GRID1: variants seen among roughly 807,000 people sequenced by gnomAD.
The protein encoded by GRID1 is glutamate receptor ionotropic, delta-1.
Under a neutral mutation model 98.0 loss-of-function variants are expected in GRID1, and 28 were observed. That is an observed-to-expected ratio of 0.29 (90% CI 0.21 to 0.39). GRID1 has a LOEUF of 0.39. GRID1 is among the 10% of genes least tolerant of loss of function. GRID1 has a pLI of 1.00. For missense variants in GRID1, 1,111 were observed against 1,340.5 expected (o/e 0.83, Z 2.67); for synonymous variants, 553 against 538.5 (o/e 1.03, Z -0.37).
At chr10:85,978,476 A>G (rs1194126625) in intron 4 of GRID1, among the ~76,000 whole-genome samples, 1 of 152,242 alleles carries the variant, frequency 6.6e-6, no homozygotes, top group African/African-American at 2.4e-5. Flanking sequence ...GCATTAATGG[A>G]CTTGACCTTC....
At chr10:86,311,738 G>A (rs530312416) in intron 2 of GRID1, among the ~76,000 whole-genome samples, 7 of 152,356 alleles carry the variant, frequency 4.6e-5, no homozygotes, top group South Asian at 2.1e-4. Context: ...GCTCACGCCT[G>A]TAATTCCAGC....
chr10:86,221,250 A>G (rs1054192037), intron 2 of GRID1, among the ~76,000 whole-genome samples: 1 of 152,238 alleles, frequency 6.6e-6, no homozygotes, highest in Admixed American at 6.5e-5. Context: ...TTGAAAAATA[A>G]TACAACAAAA....
chr10:85,693,385 GAT>G (rs1261837558), intron 12 of GRID1, among the ~76,000 whole-genome samples: 1 of 151,992 alleles, frequency 6.6e-6, no homozygotes. Context: ...CATAAAGATG[GAT>G]ATATGTCATT....
At chr10:85,959,542 C>T (rs1842238481) in intron 4 of GRID1, among the ~76,000 whole-genome samples, 1 of 151,982 alleles carries the variant, frequency 6.6e-6, no homozygotes, top group African/African-American at 2.4e-5. Context: ...CACCCGCCCC[C>T]ACCCGAGGCA....
intron 13 of GRID1, among the ~76,000 whole-genome samples, chr10:85,634,998 G>GAAAAAAAAAAAAAAAAAA (rs140144576): frequency 1.7e-4 from 6 of 35,012 alleles, no homozygotes; most frequent in African/African-American, 2.7e-4. Flanking sequence ...GAGGAAATCT[G>GAAAAAAAAAAAAAAAAAA]AAAAAAAAAA....
At chr10:85,820,031 C>A (rs138340168) in intron 8 of GRID1, among the ~76,000 whole-genome samples, 4,508 of 66,426 alleles carry the variant, frequency 0.068, 110 homozygotes, top group East Asian at 0.083. Context: ...GGAAGGAAGG[C>A]AGGCAGGCAG....
At chr10:85,976,761 C>T (rs1294371869) in intron 4 of GRID1, among the ~76,000 whole-genome samples, 1 of 152,216 alleles carries the variant, frequency 6.6e-6, no homozygotes, top group Non-Finnish European at 1.5e-5. Flanking sequence ...TTACCTGTTT[C>T]CCTCTGTGTA....
intron 12 of GRID1, among the ~76,000 whole-genome samples, chr10:85,690,829 C>T (rs1841323493): frequency 6.6e-6 from 1 of 152,062 alleles, no homozygotes; most frequent in African/African-American, 2.4e-5. Context: ...ATCTCTGATA[C>T]TCTAATAAGC....
intron 2 of GRID1, among the ~76,000 whole-genome samples, chr10:86,348,147 G>T (rs1055130087): frequency 6.6e-6 from 1 of 152,226 alleles, no homozygotes; most frequent in African/African-American, 2.4e-5. Context: ...GCAGGTCCTC[G>T]TGTGTACTTG....
At chr10:85,980,526 G>A (rs1842532028) in intron 4 of GRID1, among the ~76,000 whole-genome samples, 1 of 152,198 alleles carries the variant, frequency 6.6e-6, no homozygotes. Flanking sequence ...TCCCCAAGCT[G>A]GGGCTGGGAC....
chr10:85,699,382 A>G (rs907407500), intron 12 of GRID1, among the ~76,000 whole-genome samples: 1 of 152,102 alleles, frequency 6.6e-6, no homozygotes. Context: ...AGTTCTTTGT[A>G]TATGTTGGAT....
intron 5 of GRID1, among the ~76,000 whole-genome samples, chr10:85,876,809 G>A (rs896979196): frequency 6.6e-6 from 1 of 152,350 alleles, no homozygotes; most frequent in African/African-American, 2.4e-5. Context: ...GCGAGGCATT[G>A]CCTCACTCGG....
At chr10:85,967,265 G>A (rs772262492) in intron 4 of GRID1, among the ~76,000 whole-genome samples, 8 of 151,886 alleles carry the variant, frequency 5.3e-5, no homozygotes, top group Non-Finnish European at 1.0e-4. Flanking sequence ...CACACTACAG[G>A]TAATAAAGAC....
intron 4 of GRID1, among the ~76,000 whole-genome samples, chr10:86,064,558 C>G (rs554377748): frequency 6.6e-6 from 1 of 152,332 alleles, no homozygotes; most frequent in African/African-American, 2.4e-5. Context: ...TTCCTCCATC[C>G]CAGAACACAG....
At chr10:85,833,618 C>T (rs1374282830) in intron 8 of GRID1, among the ~76,000 whole-genome samples, 2 of 151,534 alleles carry the variant, frequency 1.3e-5, no homozygotes, top group Non-Finnish European at 2.9e-5. Context: ...AAAACCACAA[C>T]TTGAATAAGA....
intron 4 of GRID1, among the ~76,000 whole-genome samples, chr10:86,028,143 C>T (rs1325393192): frequency 1.3e-5 from 2 of 152,228 alleles, no homozygotes; most frequent in Admixed American, 1.3e-4. Context: ...AAAGCTGCCT[C>T]CTGCATCTCC....
intron 8 of GRID1, among the ~76,000 whole-genome samples, chr10:85,824,432 G>A (rs1389595354): frequency 6.6e-6 from 1 of 152,258 alleles, no homozygotes; most frequent in South Asian, 2.1e-4. Flanking sequence ...GGCTAGTCTC[G>A]AATTCCTGGC....
intron 4 of GRID1, among the ~76,000 whole-genome samples, chr10:86,105,885 G>A (rs191662920): frequency 8.5e-5 from 13 of 152,320 alleles, no homozygotes; most frequent in Middle Eastern, 3.4e-3. Context: ...GAGGAGCCGC[G>A]ATGGGGAGAG....
chr10:86,222,073 C>T (rs185390158), intron 2 of GRID1, among the ~76,000 whole-genome samples: 1 of 152,318 alleles, frequency 6.6e-6, no homozygotes, highest in Admixed American at 6.5e-5. Flanking sequence ...AACCCTGAAG[C>T]TGGCAGGACT....
Sources: allele counts gnomAD v4.1 joint callset (sites outside exome capture counted in the v4.1 genomes callset), GRCh38; gene constraint gnomAD v4.1.1; transcripts MANE v1.5; gene names NCBI Gene and HGNC (gene_info 2026-07-23, HGNC 2026-07-21).